The following SEZ6L variants were observed in gnomAD, a reference collection of about 807,000 sequenced individuals.
SEZ6L encodes the protein seizure 6-like protein.
In SEZ6L, 37 loss-of-function variants were observed where a neutral mutation model predicts 106.2. The ratio of observed to expected loss-of-function variants is 0.35; its 90% CI spans 0.27 to 0.46. SEZ6L has a LOEUF of 0.46. Among genes scored for constraint, SEZ6L ranks in the 20% least tolerant of loss-of-function variants. The pLI is 1.00. For missense variants in SEZ6L, 1,172 were observed against 1,332.8 expected (o/e 0.88, Z 1.88); for synonymous variants, 541 against 570.4 (o/e 0.95, Z 0.73).
chr22:26,259,727 G>T (rs780417355), intron 1 of SEZ6L, among the ~76,000 whole-genome samples: 3 of 152,186 alleles, frequency 2.0e-5, no homozygotes, highest in Admixed American at 6.5e-5. Flanking sequence ...GCTGTCCGCT[G>T]TGCTGAAATG....
intron 3 of SEZ6L, among the ~76,000 whole-genome samples, chr22:26,296,273 C>A (rs965045515): frequency 6.6e-6 from 1 of 152,164 alleles, no homozygotes; most frequent in African/African-American, 2.4e-5. Flanking sequence ...TTGTAGCCAC[C>A]ACTGGGGAGA....
chr22:26,339,183 A>G (rs1006288593), intron 9 of SEZ6L, among the ~76,000 whole-genome samples: 7 of 152,140 alleles, frequency 4.6e-5, no homozygotes, highest in African/African-American at 1.7e-4. Flanking sequence ...AAATCTAAAT[A>G]GATCACTACT....
intron 5 of SEZ6L, among the ~76,000 whole-genome samples, chr22:26,305,257 C>A (rs1040025844): frequency 6.6e-6 from 1 of 152,088 alleles, no homozygotes; most frequent in Non-Finnish European, 1.5e-5. Context: ...AACAAGATAG[C>A]CATGAATATC....
rs747361013 is a variant in SEZ6L at position 26,365,373 on chromosome 22, G to A, written c.2601G>A (p.Ser867=). 3 of 1,600,632 alleles carry A rather than the reference G, an allele frequency of 1.9e-6. No individual in the cohort carries two copies. Among genetic ancestry groups the A allele is most frequent in the Non-Finnish European group, 2.6e-6 (3 of 1,168,774 alleles). The change falls in exon 13 of 17, where the codon TCG becomes TCA. Residue 867 remains serine (S), a splice_region_variant and synonymous_variant. Transcript: ENST00000248933. ...AGCTCCTTCTGGCTTGCATTTCAGC[G>A]GAGGAGTCCCTGGCATGTGACAACC... ...IWTSRLPHCV[S]EESLACDNPG...
At chr22:26,214,367 C>T (rs939494376) in intron 1 of SEZ6L, among the ~76,000 whole-genome samples, 4 of 152,074 alleles carry the variant, frequency 2.6e-5, no homozygotes, top group Non-Finnish European at 5.9e-5. Context: ...ATGCAGGGCC[C>T]GGCACACGGA....
chr22:26,366,095 G>A (rs1273714512), intron 13 of SEZ6L, among the ~76,000 whole-genome samples: 1 of 152,160 alleles, frequency 6.6e-6, no homozygotes, highest in Non-Finnish European at 1.5e-5. Flanking sequence ...ACTTTGGGAG[G>A]CTGATGCAGG....
At chr22:26,299,386 T>G (rs2081387581) in intron 5 of SEZ6L, among the ~76,000 whole-genome samples, 1 of 152,224 alleles carries the variant, frequency 6.6e-6, no homozygotes, top group Non-Finnish European at 1.5e-5. Flanking sequence ...GTTCACGCTA[T>G]TGTGCAACCA....
intron 1 of SEZ6L, among the ~76,000 whole-genome samples, chr22:26,266,396 TAAA>T (rs1224925819): frequency 2.6e-5 from 3 of 115,020 alleles, no homozygotes; most frequent in Admixed American, 1.8e-4. Flanking sequence ...CCGTCTCTAC[TAAA>T]AAAAAAAAAA....
At chr22:26,171,448 G>A (rs994996610) in intron 1 of SEZ6L, among the ~76,000 whole-genome samples, 17 of 151,314 alleles carry the variant, frequency 1.1e-4, no homozygotes, top group African/African-American at 3.4e-4. Flanking sequence ...GCAGCTTACT[G>A]GATTTTCTAA....
chr22:26,229,700 C>T (rs540191573), intron 1 of SEZ6L, among the ~76,000 whole-genome samples: 1 of 152,344 alleles, frequency 6.6e-6, no homozygotes, highest in South Asian at 2.1e-4. Context: ...TCCAGATCCA[C>T]TTAGACAGGG....
At chr22:26,319,027 C>T (rs1377740256) in intron 9 of SEZ6L, among the ~76,000 whole-genome samples, 3 of 152,162 alleles carry the variant, frequency 2.0e-5, no homozygotes, top group Admixed American at 2.0e-4. Flanking sequence ...TTTTAATATA[C>T]CAACATAATG....
Position 26,368,039 on chromosome 22 carries a change from T to C in SEZ6L, c.2794+2473T>C, listed in dbSNP as rs114050296. Among the ~76,000 whole-genome samples the C allele has an allele frequency of 4.9e-3, 740 of 152,342 alleles. 9 individuals carry two copies. The highest frequency in any genetic ancestry group is 0.017 in the African/African-American group (706 of 41,588). On this transcript the variant is annotated intron_variant, in intron 13 of 16. Coordinates refer to ENST00000248933, the MANE Select transcript of SEZ6L (RefSeq NM_021115.5). ...AATAGTAACGGAAATATGTTCAGTGTTTTAGGCCAGTGGATCTTAACCTTT... is the reference window on the plus strand; with the variant it reads ...AATAGTAACGGAAATATGTTCAGTGCTTTAGGCCAGTGGATCTTAACCTTT...
At chr22:26,217,752 A>G (rs2078340622) in intron 1 of SEZ6L, among the ~76,000 whole-genome samples, 1 of 152,216 alleles carries the variant, frequency 6.6e-6, no homozygotes, top group Admixed American at 6.5e-5. Flanking sequence ...CGCAAATACA[A>G]CATGTTGTGT....
chr22:26,240,092 T>TCACACACA (rs1556193806), intron 1 of SEZ6L, among the ~76,000 whole-genome samples: 1 of 116,138 alleles, frequency 8.6e-6, no homozygotes, highest in Admixed American at 8.8e-5. Context: ...ACACACACAC[T>TCACACACA]CACACACACA....
chr22:26,242,594 T>C (rs9608474), intron 1 of SEZ6L, among the ~76,000 whole-genome samples: 29,161 of 151,994 alleles, frequency 0.19, 3,708 homozygotes, highest in African/African-American at 0.35. Flanking sequence ...ATAAAAGCAA[T>C]GTAAAAAAGA....
intron 13 of SEZ6L, among the ~76,000 whole-genome samples, chr22:26,366,373 T>C (rs1398516375): frequency 6.6e-6 from 1 of 151,638 alleles, no homozygotes; most frequent in Non-Finnish European, 1.5e-5. Context: ...TTTTATCATA[T>C]ATCACAATTA....
chr22:26,370,569 C>T (rs969184093), intron 13 of SEZ6L, among the ~76,000 whole-genome samples: 5 of 152,102 alleles, frequency 3.3e-5, no homozygotes, highest in Non-Finnish European at 5.9e-5. Context: ...TTCCTCTCTC[C>T]TCCATCCCTT....
At chr22:26,271,707 C>A (rs768085182) in intron 1 of SEZ6L, among the ~76,000 whole-genome samples, 4 of 152,180 alleles carry the variant, frequency 2.6e-5, no homozygotes, top group Non-Finnish European at 5.9e-5. Context: ...TTAAAAGCTC[C>A]CTGATGCCTC....
intron 1 of SEZ6L, among the ~76,000 whole-genome samples, chr22:26,192,893 C>G (rs1940329800): frequency 1.3e-5 from 2 of 152,192 alleles, no homozygotes; most frequent in Non-Finnish European, 2.9e-5. Flanking sequence ...ACTAAGGAAA[C>G]TGCTTCACGT....
Sources: allele counts gnomAD v4.1 joint callset (sites outside exome capture counted in the v4.1 genomes callset), GRCh38; gene constraint gnomAD v4.1.1; transcripts MANE v1.5; gene names NCBI Gene and HGNC (gene_info 2026-07-23, HGNC 2026-07-21).